RGS10: variants seen among roughly 807,000 people sequenced by gnomAD.
The protein encoded by RGS10 is regulator of G-protein signalling 10.
In RGS10, 11 loss-of-function variants were observed where a neutral mutation model predicts 23.5. The observed-to-expected ratio is 0.47, with a 90% confidence interval of 0.29 to 0.77. The LOEUF (loss-of-function observed/expected upper bound fraction) is 0.77. RGS10 is among the 30% of genes least tolerant of loss of function. The probability of loss-of-function intolerance (pLI) is 0.08; values close to 1 mark genes in which losing one functional copy is unlikely to be tolerated. For synonymous variants in RGS10, 77 were observed against 83.2 expected, an observed-to-expected ratio of 0.92 and a Z score of 0.41; for missense variants, 180 against 226.3, an observed-to-expected ratio of 0.80 and a Z score of 1.31.
At chr10:119,507,265 G>C (rs1384723407) in intron 4 of RGS10, among the ~76,000 whole-genome samples, 1 of 152,136 alleles carries the variant, frequency 6.6e-6, no homozygotes, top group Admixed American at 6.5e-5. Flanking sequence ...CACCACCACA[G>C]CCTCTGCCAC....
At chr10:119,533,666 G>A (rs1844355469) in intron 1 of RGS10, among the ~76,000 whole-genome samples, 1 of 152,152 alleles carries the variant, frequency 6.6e-6, no homozygotes, top group Non-Finnish European at 1.5e-5. Flanking sequence ...TGAATAGGTG[G>A]AAAAAATGTC....
intron 4 of RGS10, among the ~76,000 whole-genome samples, chr10:119,502,948 C>T (rs1843968575): frequency 6.6e-6 from 1 of 152,118 alleles, no homozygotes; most frequent in Non-Finnish European, 1.5e-5. Context: ...CTGTGGGAAG[C>T]CTGATTGCTT....
At chr10:119,523,154 C>T (rs901198579) in intron 3 of RGS10, among the ~76,000 whole-genome samples, 3 of 152,068 alleles carry the variant, frequency 2.0e-5, no homozygotes, top group Non-Finnish European at 4.4e-5. Context: ...TGCCCAGCCT[C>T]GGGCGAGCTG....
intron 4 of RGS10, among the ~76,000 whole-genome samples, chr10:119,507,324 C>T (rs898955969): frequency 6.6e-6 from 1 of 152,152 alleles, no homozygotes; most frequent in East Asian, 1.9e-4. Context: ...AGGCCAAGGT[C>T]CTGTTTGGAG....
chr10:119,503,572 C>T (rs566838060), intron 4 of RGS10, among the ~76,000 whole-genome samples: 2 of 152,236 alleles, frequency 1.3e-5, no homozygotes, highest in East Asian at 3.9e-4. Flanking sequence ...CAGCCCTGCG[C>T]TGGGCAGCGT....
chr10:119,529,719 T>A (rs1037038789), intron 1 of RGS10, among the ~76,000 whole-genome samples: 10 of 152,224 alleles, frequency 6.6e-5, no homozygotes, highest in African/African-American at 2.4e-4. Context: ...TTTTTCCCCA[T>A]TGACTTTTTT....
At chr10:119,513,002 A>G (rs1417936247) in intron 4 of RGS10, among the ~76,000 whole-genome samples, 1 of 152,262 alleles carries the variant, frequency 6.6e-6, no homozygotes. Flanking sequence ...GTGTATTTAT[A>G]GAAAAAAAGA....
intron 3 of RGS10, among the ~76,000 whole-genome samples, chr10:119,521,998 A>T (rs1015940293): frequency 1.3e-5 from 2 of 152,218 alleles, no homozygotes; most frequent in African/African-American, 4.8e-5. Flanking sequence ...GGAAGAAGTC[A>T]TTCTCGTGTG....
At chr10:119,529,387 G>C (rs1440664858) in intron 1 of RGS10, among the ~76,000 whole-genome samples, 3 of 152,242 alleles carry the variant, frequency 2.0e-5, no homozygotes, top group African/African-American at 7.2e-5. Context: ...CTGGGAGGCG[G>C]AGGTTGCAGT....
intron 4 of RGS10, among the ~76,000 whole-genome samples, chr10:119,509,310 C>T (rs1373823272): frequency 6.6e-6 from 1 of 151,854 alleles, no homozygotes; most frequent in Non-Finnish European, 1.5e-5. Flanking sequence ...GAAAGAAGGC[C>T]GGGCACAGTG....
Position 119,500,257 on chromosome 10 carries a change from G to C in RGS10, c.402C>G (p.Ile134Met). 1 of 1,605,094 alleles carries C rather than the reference G, an allele frequency of 6.2e-7. No homozygotes were observed. Among genetic ancestry groups the C allele is most frequent in the Non-Finnish European group, 8.5e-7 (1 of 1,177,688 alleles). Residue 134 changes from isoleucine (I) to methionine (M), a missense_variant and splice_region_variant, in exon 5 of 5, where the codon ATC becomes ATG. Physicochemically the swap from Ile to Met is conservative, Grantham distance 10. Coordinates refer to ENST00000369103, the MANE Select transcript of RGS10 (RefSeq NM_001005339.2). ...PLMFQKLQDQ[I>M]FNLMKYDSYS... Reference sequence around the variant, plus strand: ...AGCTGTCGTACTTCATGAGATTAAAGATCTAAGGAGGAAAAGAAAAAAGAG... The same window carrying C: ...AGCTGTCGTACTTCATGAGATTAAACATCTAAGGAGGAAAAGAAAAAAGAG...
intron 4 of RGS10, among the ~76,000 whole-genome samples, chr10:119,512,407 CAG>C (rs60479471): frequency 0.036 from 5,489 of 152,234 alleles, 264 homozygotes; most frequent in African/African-American, 0.11. Flanking sequence ...CCCGGAGAGA[CAG>C]AGTTTTCAAA....
chr10:119,527,269 A>G lies in RGS10; in HGVS notation c.168+37T>C, dbSNP rs752934807. 6.8e-7 allele frequency: 1 copy of G among 1,477,216 alleles called. No individual in the cohort carries two copies. Among genetic ancestry groups the G allele is most frequent in the Admixed American group, 1.7e-5 (1 of 59,172 alleles). 91.5% of individuals were successfully genotyped at this position (1,477,216 alleles called of 1,614,324 possible). On this transcript the variant is annotated intron_variant, in intron 2 of 4. Transcript: ENST00000369103. The surrounding 1 kb of genome is among the most constrained non-coding windows in gnomAD (Gnocchi z 4.2). ...TGTGTGCATCTGAACTTCTGCACAC[A>G]CTGCATCCATCCCGATTAACAATGA...
chr10:119,530,942 G>A (rs979465735), intron 1 of RGS10, among the ~76,000 whole-genome samples: 4 of 152,188 alleles, frequency 2.6e-5, no homozygotes, highest in Admixed American at 6.5e-5. Context: ...CTCTAACCAT[G>A]AAGGAAACTC....
At chr10:119,531,748 T>A (rs2133958898) in intron 1 of RGS10, among the ~76,000 whole-genome samples, 1 of 152,268 alleles carries the variant, frequency 6.6e-6, no homozygotes, top group Non-Finnish European at 1.5e-5. Flanking sequence ...GGGACCTGTA[T>A]GGGAGGTCAG....
At chr10:119,506,341 C>T (rs1042431765) in intron 4 of RGS10, among the ~76,000 whole-genome samples, 1 of 152,230 alleles carries the variant, frequency 6.6e-6, no homozygotes, top group African/African-American at 2.4e-5. Context: ...GGACGGGCCA[C>T]ACAGAAGGCT....
intron 4 of RGS10, among the ~76,000 whole-genome samples, chr10:119,502,156 T>A (rs1246233779): frequency 6.6e-6 from 1 of 152,058 alleles, no homozygotes; most frequent in African/African-American, 2.4e-5. Context: ...AACTTTTTTT[T>A]AATCCCAGAA....
intron 1 of RGS10, among the ~76,000 whole-genome samples, chr10:119,532,899 T>G (rs1844345707): frequency 6.7e-6 from 1 of 148,904 alleles, no homozygotes; most frequent in Admixed American, 6.7e-5. Context: ...AATTAGCTGG[T>G]CATGGTGGTA....
At position 119,527,747 on chromosome 10, in the gene RGS10, C is replaced by T. The variant is rs1844292154; in HGVS notation, c.50-323G>A. On this transcript the variant is annotated intron_variant, in intron 1 of 4. Transcript: ENST00000369103. The surrounding 1 kb of genome is among the most constrained non-coding windows in gnomAD (Gnocchi z 4.2). ...AGGCAGCCCTCAAGTCACACTCAAA[C>T]CCTCCTCCAAGAGAACCTTGATTCA... 6.6e-6 allele frequency among the ~76,000 whole-genome samples: 1 copy of T among 152,160 alleles called. No individual in the cohort carries two copies. Among genetic ancestry groups the T allele is most frequent in the Non-Finnish European group, 1.5e-5 (1 of 68,030 alleles).
Sources: gnomAD v4.1 joint callset for allele counts (sites outside exome capture counted in the v4.1 genomes callset) on GRCh38, gnomAD v4.1.1 for gene constraint, Gnocchi (gnomAD v3.1) non-coding constraint, MANE v1.5 for transcripts, NCBI Gene and HGNC (gene_info 2026-07-23, HGNC 2026-07-21) for gene names.